Variants in MICU3 observed in about 807,000 individuals in gnomAD.
MICU3 encodes the protein calcium uptake protein 3, mitochondrial.
In MICU3, 62 loss-of-function variants were observed where a neutral mutation model predicts 66.5. The observed-to-expected ratio is 0.93, with a 90% CI of 0.76 to 1.15. The LOEUF (loss-of-function observed/expected upper bound fraction) is 1.15, where lower values mean the gene tolerates loss of function less well. Among genes scored for constraint, MICU3 ranks in the 50% most tolerant of loss-of-function variants. The pLI is 0.00. For synonymous variants in MICU3, 308 were observed against 240.7 expected (o/e 1.28, Z -2.59); for missense variants, 779 against 664.4 (o/e 1.17, Z -1.90).
chr8:17,046,095 G>A (rs1030753065), intron 1 of MICU3, among the ~76,000 whole-genome samples: 1 of 152,226 alleles, frequency 6.6e-6, no homozygotes, highest in African/African-American at 2.4e-5. Context: ...ATGAGCTGCT[G>A]TAGCAAATTA....
intron 11 of MICU3, among the ~76,000 whole-genome samples, chr8:17,109,621 C>T (rs914119247): frequency 1.3e-5 from 2 of 152,144 alleles, no homozygotes; most frequent in Non-Finnish European, 2.9e-5. Context: ...GAAGGATTCA[C>T]AGGACTAGAA....
chr8:17,029,073 T>C (rs1284325420), intron 1 of MICU3, among the ~76,000 whole-genome samples: 2 of 152,278 alleles, frequency 1.3e-5, no homozygotes, highest in Non-Finnish European at 2.9e-5. Context: ...TGTCAATGCC[T>C]GTTTCCTCAC....
At chr8:17,056,968 C>T (rs970911625) in intron 1 of MICU3, among the ~76,000 whole-genome samples, 16 of 152,176 alleles carry the variant, frequency 1.1e-4, no homozygotes, top group Admixed American at 8.5e-4. Context: ...GAGACCATTA[C>T]GGTTTCCAGA....
At chr8:17,108,249 T>A (rs1484772833) in intron 11 of MICU3, among the ~76,000 whole-genome samples, 1 of 152,080 alleles carries the variant, frequency 6.6e-6, no homozygotes, top group Non-Finnish European at 1.5e-5. Flanking sequence ...CAATGAAAAA[T>A]TAAGCAGGCA....
In MICU3 at chr8:17,083,192, G is replaced by C. The variant is rs945727353; in HGVS notation, c.694+1452G>C. Among the ~76,000 whole-genome samples, 6 of 152,160 alleles carry C rather than the reference G, an allele frequency of 3.9e-5. 1 individual carries two copies. The highest frequency in any genetic ancestry group is 1.4e-4 in the African/African-American group (6 of 41,540). On this transcript the variant is annotated intron_variant, in intron 5 of 14. Transcript: ENST00000318063. Reference sequence around the variant, plus strand: ...TCTCTTGAGCTGAGTCAGTTCCTGCGTGAGGACCACAAGACCAGATGAGCC... The same window carrying C: ...TCTCTTGAGCTGAGTCAGTTCCTGCCTGAGGACCACAAGACCAGATGAGCC...
the MICU3 span, chr8:17,131,094 A>G: frequency 6.6e-6 from 1 of 152,270 alleles, no homozygotes; most frequent in South Asian, 2.1e-4. Flanking sequence ...GGGTCCAGTT[A>G]GGAGACAAAA....
At chr8:17,086,891 C>G (rs918279279) in intron 6 of MICU3, 73 bp from the exon 7 acceptor site, 1 of 907,588 alleles carries the variant, frequency 1.1e-6, no homozygotes, top group Non-Finnish European at 1.8e-6. Flanking sequence ...TGGAATATAC[C>G]TAGTCCAGAA....
chr8:17,049,300 T>G (rs1471839584), intron 1 of MICU3, among the ~76,000 whole-genome samples: 1 of 152,154 alleles, frequency 6.6e-6, no homozygotes, highest in East Asian at 1.9e-4. Flanking sequence ...TTTATCTCCT[T>G]GGACATATTT....
At chr8:17,077,753 A>G in intron 3 of MICU3, 30 bp from the exon 4 acceptor site, 1 of 1,484,288 alleles carries the variant, frequency 6.7e-7, no homozygotes, top group Non-Finnish European at 9.3e-7. Context: ...GTTGTTTACC[A>G]ATTCATCAGT....
At chr8:17,137,521 TAAA>T in the MICU3 span, among the ~76,000 whole-genome samples, 19 of 134,596 alleles carry the variant, frequency 1.4e-4, no homozygotes, top group African/African-American at 1.9e-4. Flanking sequence ...TGCTTTTTTT[TAAA>T]AAAAAAAAAA....
At chr8:17,088,171 T>C (rs1176584583) in intron 7 of MICU3, among the ~76,000 whole-genome samples, 14 of 152,006 alleles carry the variant, frequency 9.2e-5, no homozygotes. Context: ...CTTTACAGGA[T>C]ATTTGACCAT....
chr8:17,061,694 A>C (rs1817846435), intron 1 of MICU3, among the ~76,000 whole-genome samples: 3 of 152,140 alleles, frequency 2.0e-5, no homozygotes, highest in African/African-American at 7.2e-5. Context: ...AGGCCCAGGG[A>C]AATGGCCTAG....
At chr8:17,090,713 A>G (rs970592294) in intron 8 of MICU3, 129 bp downstream of exon 8, 55 of 627,956 alleles carry the variant, frequency 8.8e-5, no homozygotes, top group Non-Finnish European at 1.4e-4. Context: ...ATTGAACACA[A>G]TAGGTGCAAT....
At chr8:17,033,684 G>T (rs777256995) in intron 1 of MICU3, among the ~76,000 whole-genome samples, 1 of 152,196 alleles carries the variant, frequency 6.6e-6, no homozygotes, top group Admixed American at 6.5e-5. Context: ...TGATTTGCCC[G>T]ACTTGGCCTC....
intron 1 of MICU3, among the ~76,000 whole-genome samples, chr8:17,036,154 C>A (rs527533341): frequency 6.6e-6 from 1 of 151,950 alleles, no homozygotes; most frequent in Non-Finnish European, 1.5e-5. Flanking sequence ...TTCGTGGTCT[C>A]GCTGGCTCAA....
intron 3 of MICU3, among the ~76,000 whole-genome samples, chr8:17,074,055 G>GTT (rs60252796): frequency 2.7e-5 from 4 of 146,910 alleles, no homozygotes; most frequent in African/African-American, 7.5e-5. Flanking sequence ...TTTCTTTTTG[G>GTT]TTTTTTTTTT....
the MICU3 span, among the ~76,000 whole-genome samples, chr8:17,137,538 A>AG: frequency 5.0e-5 from 7 of 139,268 alleles, no homozygotes; most frequent in African/African-American, 1.5e-4. Context: ...AAAAAAAAAA[A>AG]GGGGGCCCTG....
At position 17,027,400 on chromosome 8, in the gene MICU3, C is replaced by A; in HGVS notation, c.121C>A (p.Arg41=). The change falls in exon 1 of 15, where the codon CGG becomes AGG. Residue 41 remains arginine (R), a synonymous_variant. Transcript: ENST00000318063. The part of the protein sequence containing the change: ...PAVTTLGLPG[R]PFSSREDEER... ...GGTGACCACCCTGGGCCTTCCTGGC[C>A]GGCCCTTCTCCTCCCGAGAGGATGA... 1 of 1,429,848 alleles carries A rather than the reference C, an allele frequency of 7.0e-7. No homozygotes were observed. 88.6% of individuals were successfully genotyped at this position (1,429,848 alleles called of 1,614,324 possible). A position where few individuals can be genotyped will look rare whatever the true frequency, so the allele number is the denominator to read the frequency against.
At chr8:17,098,189 A>G (rs76376674) in intron 8 of MICU3, among the ~76,000 whole-genome samples, 5,508 of 151,786 alleles carry the variant, frequency 0.036, 156 homozygotes, top group Non-Finnish European at 0.056. Flanking sequence ...GTAGAGGGGC[A>G]GAAGGAGAGA....
Sources: allele counts gnomAD v4.1 joint callset (sites outside exome capture counted in the v4.1 genomes callset), GRCh38; gene constraint gnomAD v4.1.1; transcripts MANE v1.5; gene names NCBI Gene and HGNC (gene_info 2026-07-23, HGNC 2026-07-21).